OSBPL8: variants seen among roughly 807,000 people sequenced by gnomAD.
OSBPL8 encodes the protein oxysterol binding protein like 8.
In OSBPL8, 59 loss-of-function variants were observed where a neutral mutation model predicts 125.5. The observed-to-expected ratio is 0.47, with a 90% CI of 0.38 to 0.58. The LOEUF is 0.58. Among genes scored for constraint, OSBPL8 ranks in the 20% least tolerant of loss-of-function variants. The pLI is 0.00. For missense variants in OSBPL8, 758 were observed against 1,047.8 expected (o/e 0.72, Z 3.82); for synonymous variants, 330 against 338.9 (o/e 0.97, Z 0.29).
chr12:76,413,596 A>G (rs1868321775), intron 4 of OSBPL8, among the ~76,000 whole-genome samples: 1 of 152,198 alleles, frequency 6.6e-6, no homozygotes, highest in Non-Finnish European at 1.5e-5. Flanking sequence ...TCTTTTCTCC[A>G]TAACCGTAGT....
intron 1 of OSBPL8, among the ~76,000 whole-genome samples, chr12:76,533,796 T>C (rs1009422697): frequency 2.6e-5 from 4 of 152,222 alleles, no homozygotes; most frequent in African/African-American, 9.6e-5. Flanking sequence ...ATTCCTACTA[T>C]AGCCTGGGAC....
At chr12:76,537,153 T>C (rs1950521503) in intron 1 of OSBPL8, 1 of 152,382 alleles carries the variant, frequency 6.6e-6, no homozygotes, top group South Asian at 2.1e-4. Context: ...AGCCTTTACA[T>C]TTTGCAAAGT....
chr12:76,453,565 C>T (rs1241907535), intron 3 of OSBPL8, among the ~76,000 whole-genome samples: 1 of 152,010 alleles, frequency 6.6e-6, no homozygotes, highest in Non-Finnish European at 1.5e-5. Context: ...TCTTACCACA[C>T]ACAAAGAATA....
chr12:76,360,571 G>C (rs947696539), intron 21 of OSBPL8, among the ~76,000 whole-genome samples: 8 of 152,212 alleles, frequency 5.3e-5, no homozygotes, highest in Non-Finnish European at 1.2e-4. Context: ...GGGACTCTGT[G>C]GGGGGCTCCG....
chr12:76,384,225 A>G (rs1226536175), intron 15 of OSBPL8, 29 bp downstream of exon 15: 1 of 1,302,738 alleles, frequency 7.7e-7, no homozygotes, highest in Non-Finnish European at 1.1e-6. Flanking sequence ...CTCCCAGGAG[A>G]GGGTGCAAGT....
intron 1 of OSBPL8, among the ~76,000 whole-genome samples, chr12:76,520,168 C>T: frequency 6.6e-6 from 1 of 152,150 alleles, no homozygotes; most frequent in East Asian, 1.9e-4. Context: ...CACAAATATT[C>T]TAAATGCCTT....
intron 1 of OSBPL8, among the ~76,000 whole-genome samples, chr12:76,543,018 T>A (rs999515803): frequency 3.3e-5 from 5 of 152,224 alleles, no homozygotes; most frequent in African/African-American, 1.2e-4. Flanking sequence ...CCCGACTAGG[T>A]GTGCATATTC....
chr12:76,494,330 C>T (rs897026726), intron 1 of OSBPL8, among the ~76,000 whole-genome samples: 1 of 152,120 alleles, frequency 6.6e-6, no homozygotes, highest in Admixed American at 6.5e-5. Flanking sequence ...TTCTAGGGCA[C>T]TGACTGGGTG....
chr12:76,355,811 A>T lies in OSBPL8; in HGVS notation c.*78T>A. On this transcript the variant is annotated 3_prime_UTR_variant, in exon 24 of 24. Coordinates refer to ENST00000261183, the MANE Select transcript of OSBPL8 (RefSeq NM_020841.5). ...TTTTCGGAATATTGTGATTTTTAAT[A>T]AAGACCAAACCAACTTGAACACTGG... 6.7e-7 allele frequency: 1 copy of T among 1,482,910 alleles called. No individual in the cohort carries two copies. Among genetic ancestry groups the T allele is most frequent in the African/African-American group, 1.4e-5 (1 of 70,074 alleles). 91.9% of individuals were successfully genotyped at this position (1,482,910 alleles called of 1,614,324 possible). A position where few individuals can be genotyped will look rare whatever the true frequency, so the allele number is the denominator to read the frequency against.
intron 21 of OSBPL8, among the ~76,000 whole-genome samples, chr12:76,360,903 A>G (rs1221678928): frequency 6.6e-6 from 1 of 152,174 alleles, no homozygotes; most frequent in African/African-American, 2.4e-5. Context: ...CCAGCCCATG[A>G]AACCATTTTT....
intron 1 of OSBPL8, among the ~76,000 whole-genome samples, chr12:76,504,714 G>A (rs1429937627): frequency 2.0e-5 from 3 of 152,158 alleles, no homozygotes; most frequent in African/African-American, 7.2e-5. Context: ...AAAGTAAACT[G>A]CCTTTGTAAA....
intron 1 of OSBPL8, among the ~76,000 whole-genome samples, chr12:76,545,345 C>G (rs1343877519): frequency 1.3e-5 from 2 of 152,038 alleles, no homozygotes; most frequent in South Asian, 2.1e-4. Flanking sequence ...AATATGAACA[C>G]TGTTCTAAGA....
chr12:76,489,390 CT>C (rs1413753039), intron 1 of OSBPL8, among the ~76,000 whole-genome samples: 1 of 152,210 alleles, frequency 6.6e-6, no homozygotes, highest in Non-Finnish European at 1.5e-5. Flanking sequence ...GACTTCAAAG[CT>C]GCAAAGGACA....
intron 4 of OSBPL8, among the ~76,000 whole-genome samples, chr12:76,435,627 G>A (rs1323636838): frequency 6.6e-6 from 1 of 152,034 alleles, no homozygotes; most frequent in East Asian, 1.9e-4. Context: ...AAAACACCAA[G>A]TTGTACAAGA....
intron 1 of OSBPL8, among the ~76,000 whole-genome samples, chr12:76,556,867 T>C (rs1319767846): frequency 1.3e-5 from 2 of 152,196 alleles, no homozygotes; most frequent in Non-Finnish European, 2.9e-5. Context: ...GGTTTCACCA[T>C]GTTGGCCAGG....
chr12:76,459,968 GA>G, intron 2 of OSBPL8, 73 bp from the exon 3 acceptor site: 1 of 1,450,100 alleles, frequency 6.9e-7, no homozygotes. Flanking sequence ...CATCAGGACG[GA>G]AACAGCAGTG....
chr12:76,372,047 TTCTA>T (rs754229151), intron 18 of OSBPL8, among the ~76,000 whole-genome samples: 10 of 152,184 alleles, frequency 6.6e-5, no homozygotes, highest in Non-Finnish European at 1.3e-4. Flanking sequence ...CGAATAATCT[TTCTA>T]TCTAAGACAT....
chr12:76,446,011 T>C (rs1020247372), intron 4 of OSBPL8, among the ~76,000 whole-genome samples: 5 of 152,218 alleles, frequency 3.3e-5, no homozygotes, highest in Non-Finnish European at 5.9e-5. Flanking sequence ...CTCTACTACA[T>C]ACTATGTAGA....
At chr12:76,362,879 T>A (rs1011475765) in intron 21 of OSBPL8, among the ~76,000 whole-genome samples, 2 of 152,172 alleles carry the variant, frequency 1.3e-5, no homozygotes, top group African/African-American at 4.8e-5. Flanking sequence ...CAAGCATTCT[T>A]ATACACCAAT....
Sources: allele counts gnomAD v4.1 joint callset (sites outside exome capture counted in the v4.1 genomes callset), GRCh38; gene constraint gnomAD v4.1.1; transcripts MANE v1.5; gene names NCBI Gene and HGNC (gene_info 2026-07-23, HGNC 2026-07-21).